Variants in ACOXL observed in about 807,000 individuals in gnomAD.
ACOXL encodes the protein acyl-coenzyme A oxidase-like protein.
Under a neutral mutation model 71.9 loss-of-function variants are expected in ACOXL, and 70 were observed. That is an observed-to-expected ratio of 0.97 (90% confidence interval 0.80 to 1.19). ACOXL has a LOEUF of 1.19. ACOXL is among the 50% of genes most tolerant of loss of function. The pLI, the probability that ACOXL is intolerant of heterozygous loss-of-function variation, is 0.00. For synonymous variants in ACOXL, 253 were observed against 281.6 expected (o/e 0.90, Z 1.02); for missense variants, 703 against 736.3 (o/e 0.95, Z 0.52).
chr2:110,795,146 G>A (rs1342794880), intron 5 of ACOXL, among the ~76,000 whole-genome samples: 1 of 152,210 alleles, frequency 6.6e-6, no homozygotes, highest in Admixed American at 6.5e-5. Context: ...CCGTGTGGCT[G>A]CTCTGCTTCG....
In ACOXL at chr2:110,969,598, G is replaced by A. The variant is rs542682214; in HGVS notation, c.1060-17510G>A. On this transcript the variant is annotated intron_variant, in intron 12 of 17. Coordinates refer to ENST00000439055, the MANE Select transcript of ACOXL (RefSeq NM_001142807.4). ...GGCCGAGGTGGGCAGCTTACCTGAG[G>A]TCAGGAGTTCAAGACCAGCCTGGGC... 6.6e-5 allele frequency among the ~76,000 whole-genome samples: 10 copies of A among 152,252 alleles called. No individual in the cohort carries two copies. In the South Asian group the frequency reaches 2.1e-3, roughly 32 times the overall value.
chr2:111,048,777 C>T (rs2066144229), intron 15 of ACOXL, among the ~76,000 whole-genome samples: 1 of 151,782 alleles, frequency 6.6e-6, no homozygotes, highest in Admixed American at 6.6e-5. Flanking sequence ...ACACTTGGGG[C>T]CATACACCAA....
At chr2:110,785,754 A>G (rs936457784) in intron 3 of ACOXL, among the ~76,000 whole-genome samples, 8 of 152,324 alleles carry the variant, frequency 5.3e-5, no homozygotes, top group Non-Finnish European at 1.2e-4. Context: ...GGTGTTGAAC[A>G]TGGGTAAAAT....
At chr2:111,067,461 A>G (rs2067128707) in intron 16 of ACOXL, among the ~76,000 whole-genome samples, 1 of 152,212 alleles carries the variant, frequency 6.6e-6, no homozygotes. Flanking sequence ...TGGATTTTTT[A>G]AAGTCAAGCT....
At chr2:110,965,329 T>G (rs2061878352) in intron 12 of ACOXL, among the ~76,000 whole-genome samples, 1 of 152,224 alleles carries the variant, frequency 6.6e-6, no homozygotes, top group Non-Finnish European at 1.5e-5. Flanking sequence ...ATTTTTCCTT[T>G]GGATAAATAC....
rs180878251 is a variant in ACOXL at position 110,924,017 on chromosome 2, T to C, written c.906-9472T>C. On this transcript the variant is annotated intron_variant, in intron 11 of 17. Coordinates refer to ENST00000439055, the MANE Select transcript of ACOXL (RefSeq NM_001142807.4). ...CATTGCAGATTTGGTTCTAGACCACTGCAATAAAGTGAATATCGCAATAAC... is the reference window on the plus strand; with the variant it reads ...CATTGCAGATTTGGTTCTAGACCACCGCAATAAAGTGAATATCGCAATAAC... Among the ~76,000 whole-genome samples the C allele has an allele frequency of 2.1e-4, 32 of 152,290 alleles. 1 individual carries two copies. The highest frequency in any genetic ancestry group is 7.5e-4 in the African/African-American group (31 of 41,560).
chr2:111,046,343 C>G (rs1415445189), intron 15 of ACOXL, among the ~76,000 whole-genome samples: 1 of 152,176 alleles, frequency 6.6e-6, no homozygotes, highest in Non-Finnish European at 1.5e-5. Flanking sequence ...TGTCTGATGC[C>G]AAACCTGTGT....
At chr2:110,737,920 T>C (rs1398255262) in intron 1 of ACOXL, among the ~76,000 whole-genome samples, 1 of 152,256 alleles carries the variant, frequency 6.6e-6, no homozygotes, top group Non-Finnish European at 1.5e-5. Flanking sequence ...TTAAGGCTAC[T>C]CCTGTTGAGA....
intron 2 of ACOXL, among the ~76,000 whole-genome samples, chr2:110,780,465 A>C (rs1471308973): frequency 1.3e-5 from 2 of 152,242 alleles, no homozygotes; most frequent in African/African-American, 4.8e-5. Context: ...AGAAACAGAC[A>C]CATGTCCCCA....
intron 11 of ACOXL, among the ~76,000 whole-genome samples, chr2:110,932,182 T>A (rs749514769): frequency 1.3e-5 from 2 of 152,202 alleles, no homozygotes; most frequent in Non-Finnish European, 2.9e-5. Flanking sequence ...CAACACACAC[T>A]CTGCAATTCC....
Position 111,117,747 on chromosome 2 carries a change from T to A in ACOXL, c.1674T>A (p.Pro558=). ...SNPRAAWAFY[P]APLQPRPREE... ...CGCGGGCCGCGTGGGCTTTCTACCC[T>A]GCACCGCTGCAGCCGCGGCCACGGG... The change falls in exon 18 of 18, where the codon CCT becomes CCA. Residue 558 remains proline (P), a synonymous_variant. Transcript: ENST00000439055. 1 of 1,551,500 alleles carries A rather than the reference T, an allele frequency of 6.4e-7. No homozygotes were observed. Among genetic ancestry groups the A allele is most frequent in the East Asian group, 2.4e-5 (1 of 40,916 alleles).
chr2:110,992,871 C>T (rs2063232937), intron 13 of ACOXL, among the ~76,000 whole-genome samples: 1 of 152,140 alleles, frequency 6.6e-6, no homozygotes, highest in Non-Finnish European at 1.5e-5. Context: ...TGCCTTGCAC[C>T]CAACGTGTTT....
At chr2:110,783,942 A>G (rs1463368635) in intron 2 of ACOXL, among the ~76,000 whole-genome samples, 1 of 152,178 alleles carries the variant, frequency 6.6e-6, no homozygotes, top group Non-Finnish European at 1.5e-5. Flanking sequence ...ACTGGTGGAG[A>G]AGAGTGTGTT....
intron 10 of ACOXL, among the ~76,000 whole-genome samples, chr2:110,896,324 C>A (rs1574030444): frequency 6.6e-6 from 1 of 151,946 alleles, no homozygotes; most frequent in African/African-American, 2.4e-5. Flanking sequence ...AAAAATAAAA[C>A]AGAAATGAAA....
intron 17 of ACOXL, among the ~76,000 whole-genome samples, chr2:111,115,109 CA>C (rs1420776838): frequency 6.6e-6 from 1 of 152,098 alleles, no homozygotes; most frequent in East Asian, 1.9e-4. Context: ...TATACCTATT[CA>C]TTTGTCTTTT....
intron 16 of ACOXL, among the ~76,000 whole-genome samples, chr2:111,061,868 C>A (rs1327049110): frequency 4.6e-5 from 7 of 150,808 alleles, no homozygotes; most frequent in Non-Finnish European, 4.4e-5. Context: ...ATGTATAAAT[C>A]AAAATAAAAC....
intron 11 of ACOXL, among the ~76,000 whole-genome samples, chr2:110,911,586 C>A (rs1410820042): frequency 6.6e-6 from 1 of 151,980 alleles, no homozygotes; most frequent in African/African-American, 2.4e-5. Flanking sequence ...ACATACTACA[C>A]TGTGTTAATA....
At chr2:110,796,009 G>C (rs905182729) in intron 5 of ACOXL, 1 of 151,890 alleles carries the variant, frequency 6.6e-6, no homozygotes, top group Non-Finnish European at 1.5e-5. Context: ...ACTGTCTCCC[G>C]TGGGGCTGGG....
chr2:110,968,778 CAAAAAA>C (rs35801632), intron 12 of ACOXL: 4 of 214,344 alleles, frequency 1.9e-5, no homozygotes, highest in South Asian at 1.9e-4. Flanking sequence ...TTATGGACAG[CAAAAAA>C]AAAAAAAAAG....
Sources: gnomAD v4.1 joint callset for allele counts (sites outside exome capture counted in the v4.1 genomes callset) on GRCh38, gnomAD v4.1.1 for gene constraint, MANE v1.5 for transcripts, NCBI Gene and HGNC (gene_info 2026-07-23, HGNC 2026-07-21) for gene names.